The following EYA3 variants were observed in gnomAD, a reference collection of about 807,000 sequenced individuals.
EYA3 encodes EYA transcriptional coactivator and phosphatase 3, also known as protein phosphatase EYA3.
In EYA3, 39 loss-of-function variants were observed where a neutral mutation model predicts 80.0. The ratio of observed to expected loss-of-function variants is 0.49; its 90% CI spans 0.38 to 0.64. EYA3 has a LOEUF of 0.64. Among genes scored for constraint, EYA3 ranks in the 30% least tolerant of loss-of-function variants. The pLI is 0.00. For synonymous variants in EYA3, 206 were observed against 232.8 expected (o/e 0.88, Z 1.05); for missense variants, 523 against 676.1 (o/e 0.77, Z 2.51).
chr1:28,014,138 C>T (rs6671333), intron 8 of EYA3, among the ~76,000 whole-genome samples: 1 of 151,812 alleles, frequency 6.6e-6, no homozygotes, highest in Admixed American at 6.6e-5. Context: ...GTTTCCTGGC[C>T]GGGAACAGTG....
intron 1 of EYA3, among the ~76,000 whole-genome samples, chr1:28,073,103 TTATATATA>T (rs201041762): frequency 7.9e-5 from 3 of 37,762 alleles, no homozygotes; most frequent in Non-Finnish European, 1.3e-4. Context: ...GATGAAACTA[TTATATATA>T]TATATATATA....
In EYA3 at chr1:27,972,947, C is replaced by T. The variant is rs1223541896; in HGVS notation, c.*1519G>A. The stretch of plus-strand genomic sequence containing the variant: ...TCTGGCTGGGTGCAGTGGCTCATGC[C>T]TACAATCCCAACACTTTGAGAGGCC... On this transcript the variant is annotated 3_prime_UTR_variant, in exon 18 of 18. Coordinates refer to ENST00000373871, the MANE Select transcript of EYA3 (RefSeq NM_001990.4). 1.3e-5 allele frequency: 2 copies of T among 152,436 alleles called. No individual in the cohort carries two copies. Among genetic ancestry groups the T allele is most frequent in the African/African-American group, 4.8e-5 (2 of 41,452 alleles). 9.4% of individuals were successfully genotyped at this position (152,436 alleles called of 1,614,324 possible). A position where few individuals can be genotyped will look rare whatever the true frequency, so the allele number is the denominator to read the frequency against.
intron 6 of EYA3, among the ~76,000 whole-genome samples, chr1:28,028,829 A>G (rs1367816125): frequency 1.3e-5 from 2 of 152,126 alleles, no homozygotes; most frequent in Non-Finnish European, 2.9e-5. Flanking sequence ...CCTAGGCTCA[A>G]ATAATCCTCA....
chr1:28,004,293 T>C lies in EYA3; in HGVS notation c.993+43A>G, dbSNP rs759594902. The C allele has an allele frequency of 6.6e-6, 9 of 1,372,986 alleles. No individual in the cohort carries two copies. In the South Asian group the frequency reaches 1.1e-4, roughly 17 times the overall value. The allele number at this position is 1,372,986 out of a possible 1,614,324, so 85.1% of individuals were successfully genotyped here. A position where few individuals can be genotyped will look rare whatever the true frequency, so the allele number is the denominator to read the frequency against. On this transcript the variant is annotated intron_variant, in intron 11 of 17. Coordinates refer to ENST00000373871, the MANE Select transcript of EYA3 (RefSeq NM_001990.4). The stretch of plus-strand genomic sequence containing the variant: ...TGTGTCAGAAGAGGGACTGACTATA[T>C]AGTCAGAAGAGGGACAGTTACAACA...
At chr1:28,053,583 C>T (rs1156591904) in intron 2 of EYA3, among the ~76,000 whole-genome samples, 2 of 152,132 alleles carry the variant, frequency 1.3e-5, no homozygotes, top group East Asian at 3.8e-4. Context: ...AAAGAAGATA[C>T]AACTACCTAC....
chr1:28,088,227 G>A (rs1645743777), intron 1 of EYA3, among the ~76,000 whole-genome samples: 1 of 152,138 alleles, frequency 6.6e-6, no homozygotes, highest in East Asian at 1.9e-4. Context: ...AAAAGGAGAG[G>A]CAGTGGCTGA....
intron 1 of EYA3, among the ~76,000 whole-genome samples, chr1:28,073,127 A>ATATATTTTTT (rs1553157671): frequency 6.7e-5 from 1 of 14,998 alleles, no homozygotes; most frequent in Non-Finnish European, 1.1e-4. Context: ...ATATATATAT[A>ATATATTTTTT]TTTTTTTTTT....
At chr1:28,025,186 C>T (rs1374466044) in intron 7 of EYA3, among the ~76,000 whole-genome samples, 1 of 152,006 alleles carries the variant, frequency 6.6e-6, no homozygotes, top group Admixed American at 6.6e-5. Context: ...TCATTTTAGC[C>T]CATTGTTTTC....
intron 1 of EYA3, among the ~76,000 whole-genome samples, chr1:28,072,862 A>G (rs1645062779): frequency 6.6e-6 from 1 of 151,858 alleles, no homozygotes; most frequent in Non-Finnish European, 1.5e-5. Context: ...GAATAAACAA[A>G]CTGCAGTATA....
At position 27,982,005 on chromosome 1, in the gene EYA3, A is replaced by AT. The variant is rs553550162; in HGVS notation, c.1541-3532dup. On this transcript the variant is annotated intron_variant, in intron 16 of 17. Transcript: ENST00000373871. ...AGGTACAAGCCATCACACCTGGCTAATTTTTTTTTTTTTTTTTTTGAGACA... is the reference window on the plus strand; with the variant it reads ...AGGTACAAGCCATCACACCTGGCTAATTTTTTTTTTTTTTTTTTTTGAGACA... 2.5e-3 allele frequency among the ~76,000 whole-genome samples: 333 copies of AT among 133,200 alleles called. 2 individuals are homozygous for AT. Among genetic ancestry groups the AT allele is most frequent in the South Asian group, 7.3e-3 (30 of 4,128 alleles). The allele number at this position is 133,200 out of a possible 152,430, so 87.4% of individuals were successfully genotyped here.
intron 17 of EYA3, among the ~76,000 whole-genome samples, chr1:27,975,030 GGT>G (rs1638866724): frequency 6.6e-6 from 1 of 152,034 alleles, no homozygotes; most frequent in Admixed American, 6.6e-5. Context: ...TCTCATGGAT[GGT>G]CAATTTCTTG....
intron 16 of EYA3, among the ~76,000 whole-genome samples, chr1:27,983,288 T>TA (rs962020453): frequency 1.3e-5 from 2 of 152,232 alleles, no homozygotes; most frequent in African/African-American, 4.8e-5. Flanking sequence ...ACCCCTGCTC[T>TA]AAAGTATATA....
At chr1:28,011,541 A>C (rs551448676) in intron 9 of EYA3, among the ~76,000 whole-genome samples, 17 of 152,308 alleles carry the variant, frequency 1.1e-4, no homozygotes, top group African/African-American at 4.1e-4. Flanking sequence ...TGTAACAACC[A>C]AAAATGTTTC....
chr1:28,061,358 C>G (rs1010436718), intron 1 of EYA3, among the ~76,000 whole-genome samples: 2 of 152,166 alleles, frequency 1.3e-5, no homozygotes, highest in Admixed American at 6.5e-5. Flanking sequence ...TATAAGAATG[C>G]AAGTATTCAT....
intron 1 of EYA3, among the ~76,000 whole-genome samples, chr1:28,067,692 A>G (rs1210308754): frequency 6.6e-6 from 1 of 152,192 alleles, no homozygotes; most frequent in Non-Finnish European, 1.5e-5. Flanking sequence ...GAAGTTATTT[A>G]GACACTGTAC....
Position 28,004,325 on chromosome 1 carries a change from A to G in EYA3, c.993+11T>C, listed in dbSNP as rs1224532102. The stretch of plus-strand genomic sequence containing the variant: ...AAGAGGGACAGTTACAACAAAGAAG[A>G]CTCAAATTACCTTTCCATATTTCTG... On this transcript the variant is annotated intron_variant, in intron 11 of 17. Transcript: ENST00000373871. The G allele has an allele frequency of 1.3e-6, 2 of 1,582,114 alleles. No homozygotes were observed. The highest frequency in any genetic ancestry group is 2.2e-5 in the East Asian group (1 of 44,630).
intron 16 of EYA3, among the ~76,000 whole-genome samples, chr1:27,987,006 A>C (rs1639706000): frequency 1.3e-5 from 2 of 152,166 alleles, no homozygotes; most frequent in African/African-American, 4.8e-5. Context: ...CCGGCCTCTT[A>C]ACAATTTTTA....
chr1:28,076,951 G>C (rs1645236130), intron 1 of EYA3, among the ~76,000 whole-genome samples: 1 of 150,754 alleles, frequency 6.6e-6, no homozygotes, highest in Non-Finnish European at 1.5e-5. Context: ...ATGTTGGTCA[G>C]GCTGGTCTCG....
chr1:28,081,581 T>A (rs974957952), intron 1 of EYA3, among the ~76,000 whole-genome samples: 1 of 152,194 alleles, frequency 6.6e-6, no homozygotes, highest in African/African-American at 2.4e-5. Context: ...ATTGGATTAT[T>A]CTTTTGGTAA....
Sources: gnomAD v4.1 joint callset for allele counts (sites outside exome capture counted in the v4.1 genomes callset) on GRCh38, gnomAD v4.1.1 for gene constraint, MANE v1.5 for transcripts, NCBI Gene and HGNC (gene_info 2026-07-23, HGNC 2026-07-21) for gene names.